Variants in CDH18 observed in about 807,000 individuals in gnomAD.
The protein encoded by CDH18 is cadherin-18.
Under a neutral mutation model 67.9 loss-of-function variants are expected in CDH18, and 31 were observed. The observed-to-expected ratio is 0.46, with a 90% CI of 0.34 to 0.62. The LOEUF (loss-of-function observed/expected upper bound fraction) is 0.62, where lower values mean the gene tolerates loss of function less well. Ranked by LOEUF, CDH18 falls within the 20% of genes least tolerant of loss-of-function variation. CDH18 has a pLI of 0.01. For missense variants in CDH18, 890 were observed against 975.5 expected, an observed-to-expected ratio of 0.91 and a Z score of 1.17; for synonymous variants, 362 against 347.2, an observed-to-expected ratio of 1.04 and a Z score of -0.48.
intron 2 of CDH18, among the ~76,000 whole-genome samples, chr5:19,898,870 A>G (rs1218529289): frequency 6.6e-6 from 1 of 152,176 alleles, no homozygotes; most frequent in Non-Finnish European, 1.5e-5. Flanking sequence ...TTAAAAGACC[A>G]CTTATGAAAT....
intron 1 of CDH18, among the ~76,000 whole-genome samples, chr5:20,288,444 G>T (rs959273907): frequency 1.4e-5 from 2 of 147,960 alleles, no homozygotes; most frequent in African/African-American, 2.5e-5. Context: ...CAAAAAATAC[G>T]ATATATATAT....
intron 5 of CDH18, among the ~76,000 whole-genome samples, chr5:19,691,866 A>G (rs1761936192): frequency 6.6e-6 from 1 of 151,446 alleles, no homozygotes; most frequent in African/African-American, 2.4e-5. Context: ...ACAGAAACAG[A>G]AAAAAAAATC....
chr5:20,330,413 T>C (rs1377402547), intron 1 of CDH18, among the ~76,000 whole-genome samples: 1 of 152,106 alleles, frequency 6.6e-6, no homozygotes, highest in African/African-American at 2.4e-5. Flanking sequence ...ACTGGCTCTC[T>C]AAAATAATAA....
At chr5:19,761,915 C>A (rs1260507011) in intron 3 of CDH18, among the ~76,000 whole-genome samples, 3 of 152,110 alleles carry the variant, frequency 2.0e-5, no homozygotes, top group Non-Finnish European at 4.4e-5. Flanking sequence ...TGGAACAGAA[C>A]AGAGCCCTCA....
chr5:19,614,764 T>C (rs1046145132), intron 5 of CDH18, among the ~76,000 whole-genome samples: 1 of 152,088 alleles, frequency 6.6e-6, no homozygotes, highest in African/African-American at 2.4e-5. Context: ...GGGAAGAAAT[T>C]TGCCAGCCAA....
intron 2 of CDH18, among the ~76,000 whole-genome samples, chr5:20,045,803 T>C (rs1386151435): frequency 6.6e-6 from 1 of 151,994 alleles, no homozygotes; most frequent in Admixed American, 6.6e-5. Flanking sequence ...GTCCCTGCCA[T>C]AGAGACATCC....
chr5:20,309,783 T>C (rs1216732896), intron 1 of CDH18, among the ~76,000 whole-genome samples: 1 of 152,238 alleles, frequency 6.6e-6, no homozygotes, highest in African/African-American at 2.4e-5. Context: ...TTTTAAAATA[T>C]GTAGTCAGTG....
chr5:19,864,220 C>T (rs1350124569), intron 2 of CDH18, among the ~76,000 whole-genome samples: 6 of 150,530 alleles, frequency 4.0e-5, no homozygotes, highest in African/African-American at 1.2e-4. Flanking sequence ...GAGTTCATGT[C>T]CTTTGTAGGG....
At chr5:20,472,722 G>A (rs1315482909) in intron 1 of CDH18, among the ~76,000 whole-genome samples, 5 of 152,122 alleles carry the variant, frequency 3.3e-5, no homozygotes, top group East Asian at 1.9e-4. Flanking sequence ...ATTCAATGAC[G>A]ATGCCTGAGT....
chr5:19,934,701 G>A (rs1794049363), intron 2 of CDH18, among the ~76,000 whole-genome samples: 1 of 151,396 alleles, frequency 6.6e-6, no homozygotes, highest in African/African-American at 2.4e-5. Context: ...AACTCCCTCA[G>A]CAATGCTATG....
intron 1 of CDH18, among the ~76,000 whole-genome samples, chr5:20,290,909 T>A (rs1228709438): frequency 6.6e-6 from 1 of 152,010 alleles, no homozygotes; most frequent in Non-Finnish European, 1.5e-5. Flanking sequence ...AATAGGGTGG[T>A]GATGTGTTAA....
intron 2 of CDH18, among the ~76,000 whole-genome samples, chr5:20,254,235 C>G (rs569265991): frequency 2.0e-5 from 3 of 152,256 alleles, no homozygotes; most frequent in Admixed American, 2.0e-4. Context: ...GCCTCAGCCT[C>G]CTGAGCAGCT....
chr5:20,564,141 A>G (rs1402329633), intron 1 of CDH18, among the ~76,000 whole-genome samples: 2 of 152,034 alleles, frequency 1.3e-5, no homozygotes. Flanking sequence ...CAGGGCCCAT[A>G]CTTCCTGCTT....
intron 2 of CDH18, among the ~76,000 whole-genome samples, chr5:20,021,191 A>G (rs1738386826): frequency 1.3e-5 from 2 of 152,088 alleles, no homozygotes; most frequent in African/African-American, 4.8e-5. Context: ...CGATGCCTGT[A>G]TCCTCATTAA....
chr5:20,111,397 C>T (rs1429691099), intron 2 of CDH18, among the ~76,000 whole-genome samples: 2 of 152,010 alleles, frequency 1.3e-5, no homozygotes, highest in African/African-American at 4.8e-5. Flanking sequence ...TTTCTTTCCC[C>T]AAGAGTATAG....
intron 9 of CDH18, among the ~76,000 whole-genome samples, chr5:19,529,705 CTT>C (rs1309767953): frequency 6.6e-6 from 1 of 152,014 alleles, no homozygotes; most frequent in Non-Finnish European, 1.5e-5. Context: ...TAACATCTAA[CTT>C]ATATAACATG....
chr5:20,235,375 G>T (rs776411214), intron 2 of CDH18, among the ~76,000 whole-genome samples: 7 of 151,932 alleles, frequency 4.6e-5, no homozygotes, highest in Non-Finnish European at 1.0e-4. Context: ...TGCAAAATAT[G>T]AATTTAACAA....
chr5:20,217,743 A>C (rs575052715), intron 2 of CDH18, among the ~76,000 whole-genome samples: 1 of 151,728 alleles, frequency 6.6e-6, no homozygotes, highest in South Asian at 2.1e-4. Flanking sequence ...TAATAGATTT[A>C]AAAAAAGACC....
intron 2 of CDH18, among the ~76,000 whole-genome samples, chr5:20,170,852 C>T (rs1736646321): frequency 6.6e-6 from 1 of 151,956 alleles, no homozygotes; most frequent in African/African-American, 2.4e-5. Flanking sequence ...TCCTCTCCCT[C>T]CTCCCACACT....
Sources: gnomAD v4.1 joint callset for allele counts (sites outside exome capture counted in the v4.1 genomes callset) on GRCh38, gnomAD v4.1.1 for gene constraint, MANE v1.5 for transcripts, NCBI Gene and HGNC (gene_info 2026-07-23, HGNC 2026-07-21) for gene names.